SV2B: variants seen among roughly 807,000 people sequenced by gnomAD.
SV2B encodes the protein synaptic vesicle glycoprotein 2B, also known as solute carrier family 22 member B2.
A neutral mutation model predicts 73.9 loss-of-function variants in SV2B; 41 were observed. The observed-to-expected ratio is 0.56, with a 90% CI of 0.43 to 0.72. The LOEUF is 0.72. Ranked by LOEUF, SV2B falls within the 30% of genes least tolerant of loss-of-function variation. The pLI is 0.00. For synonymous variants in SV2B, 314 were observed against 314.2 expected (o/e 1.00, Z 0.01); for missense variants, 764 against 857.8 (o/e 0.89, Z 1.37).
intron 1 of SV2B, among the ~76,000 whole-genome samples, chr15:91,138,422 A>G (rs2042906026): frequency 6.6e-6 from 1 of 152,210 alleles, no homozygotes; most frequent in Non-Finnish European, 1.5e-5. Context: ...AGACTGACCT[A>G]TCAATTTATG....
chr15:91,179,412 C>G (rs942434075), intron 1 of SV2B, among the ~76,000 whole-genome samples: 1 of 152,112 alleles, frequency 6.6e-6, no homozygotes, highest in African/African-American at 2.4e-5. Flanking sequence ...ATTAGGTCCT[C>G]TTGGTGCAGA....
intron 1 of SV2B, among the ~76,000 whole-genome samples, chr15:91,108,585 G>A (rs948228350): frequency 1.3e-5 from 2 of 152,188 alleles, no homozygotes; most frequent in African/African-American, 4.8e-5. Context: ...GGCTCTCTTG[G>A]TTGCTCCTCC....
At chr15:91,116,902 C>G (rs1269381633) in intron 1 of SV2B, among the ~76,000 whole-genome samples, 1 of 152,154 alleles carries the variant, frequency 6.6e-6, no homozygotes, top group African/African-American at 2.4e-5. Flanking sequence ...GGGAACTGCT[C>G]TTTATAAAAC....
intron 1 of SV2B, among the ~76,000 whole-genome samples, chr15:91,168,858 C>T (rs2044013560): frequency 6.6e-6 from 1 of 152,158 alleles, no homozygotes; most frequent in South Asian, 2.1e-4. Context: ...TTTCCAGAAC[C>T]AGAAGTCCCA....
At chr15:91,270,689 A>ATCC (rs2048261888) in intron 9 of SV2B, among the ~76,000 whole-genome samples, 1 of 152,228 alleles carries the variant, frequency 6.6e-6, no homozygotes, top group Non-Finnish European at 1.5e-5. Context: ...CTGTCATTTT[A>ATCC]ACTTTGCTCA....
intron 2 of SV2B, among the ~76,000 whole-genome samples, chr15:91,243,232 G>A (rs182786294): frequency 6.6e-6 from 1 of 152,296 alleles, no homozygotes; most frequent in Non-Finnish European, 1.5e-5. Context: ...TGCCCACAGT[G>A]CCCAGGAGAG....
Position 91,231,394 on chromosome 15 carries a change from G to A in SV2B, c.451+4680G>A, listed in dbSNP as rs1026728255. Among the ~76,000 whole-genome samples the A allele has an allele frequency of 6.6e-6, 1 of 152,096 alleles. No homozygotes were observed. The highest frequency in any genetic ancestry group is 1.9e-4 in the East Asian group (1 of 5,200). ...TGCTTCTAGAGGAGCAGAATTTTGA[G>A]GATGAGTTTTCTGAATTGGTTCTGG... On this transcript the variant is annotated intron_variant, in intron 2 of 12. Transcript: ENST00000394232. The surrounding 1 kb of genome is among the most constrained non-coding windows in gnomAD (Gnocchi z 4.5).
rs1165680072 is a variant in SV2B, at chr15:91,197,514, G to A, written c.-391-28359G>A. 6.6e-6 allele frequency among the ~76,000 whole-genome samples: 1 copy of A among 150,748 alleles called. No homozygotes were observed. The highest frequency in any genetic ancestry group is 2.1e-4 in the South Asian group (1 of 4,758). On this transcript the variant is annotated intron_variant, in intron 1 of 12. Transcript: ENST00000394232. This position sits in a 1 kb window ranked among gnomAD's most constrained non-coding sequence, Gnocchi z 4.9. ...GCTGGGATTACAGGCGTGAGCCACC[G>A]CGCCCAGCCATCATTGTTTTTAATA...
At chr15:91,104,562 G>C (rs967888789) in intron 1 of SV2B, among the ~76,000 whole-genome samples, 1 of 152,216 alleles carries the variant, frequency 6.6e-6, no homozygotes, top group Non-Finnish European at 1.5e-5. Flanking sequence ...AAAATGTACA[G>C]ATACAGGGAG....
At chr15:91,184,028 A>G (rs1388570194) in intron 1 of SV2B, among the ~76,000 whole-genome samples, 1 of 152,208 alleles carries the variant, frequency 6.6e-6, no homozygotes, top group East Asian at 1.9e-4. Flanking sequence ...AAAACACTGT[A>G]TCCACCTTCA....
At chr15:91,117,467 T>C (rs2042212998) in intron 1 of SV2B, among the ~76,000 whole-genome samples, 1 of 152,214 alleles carries the variant, frequency 6.6e-6, no homozygotes, top group Admixed American at 6.5e-5. Flanking sequence ...TATATTTATC[T>C]TACTTATGAG....
At position 91,115,624 on chromosome 15, in the gene SV2B, G is replaced by A. The variant is rs563647103; in HGVS notation, c.-392+15261G>A. Among the ~76,000 whole-genome samples the A allele has an allele frequency of 2.6e-5, 4 of 151,692 alleles. No homozygotes were observed. Among genetic ancestry groups the A allele is most frequent in the South Asian group, 4.2e-4 (2 of 4,802 alleles). ...ACTCCTGAACTCAAGCGATCCACCC[G>A]CCTCGACCTCTCAAAGTGCTGGGAT... On this transcript the variant is annotated intron_variant, in intron 1 of 12. Coordinates refer to ENST00000394232, the MANE Select transcript of SV2B (RefSeq NM_001323032.3). The surrounding 1 kb of genome is among the most constrained non-coding windows in gnomAD (Gnocchi z 4.3).
Position 91,139,782 on chromosome 15 carries a change from GA to G in SV2B, c.-392+39420del, listed in dbSNP as rs1268930727. ...ACTGAGACACTTTTGAGGATGCAAG[GA>G]GGTACTCAGATAATTAACAGGCGTC... On this transcript the variant is annotated intron_variant, in intron 1 of 12. Coordinates refer to ENST00000394232, the MANE Select transcript of SV2B (RefSeq NM_001323032.3). The surrounding 1 kb of genome is among the most constrained non-coding windows in gnomAD (Gnocchi z 5.2). Among the ~76,000 whole-genome samples the G allele has an allele frequency of 6.6e-6, 1 of 152,192 alleles. No homozygotes were observed. The highest frequency in any genetic ancestry group is 1.5e-5 in the Non-Finnish European group (1 of 68,032).
intron 1 of SV2B, among the ~76,000 whole-genome samples, chr15:91,225,328 T>A (rs2046337998): frequency 6.6e-6 from 1 of 152,150 alleles, no homozygotes; most frequent in Admixed American, 6.5e-5. Flanking sequence ...TGGCCATACA[T>A]TTCTAGATGT....
At position 91,252,047 on chromosome 15, in the gene SV2B, A is replaced by C; in HGVS notation, c.632+48A>C. ...CTGGACCATCCCAGACCAATGGCCC[A>C]TCCATTCTGGTATTCTAGCTCCAAG... On this transcript the variant is annotated intron_variant, in intron 3 of 12. Coordinates refer to ENST00000394232, the MANE Select transcript of SV2B (RefSeq NM_001323032.3). This position sits in a 1 kb window ranked among gnomAD's most constrained non-coding sequence, Gnocchi z 4.6. 1 of 1,592,380 alleles carries C rather than the reference A, an allele frequency of 6.3e-7. No individual in the cohort carries two copies. The highest frequency in any genetic ancestry group is 8.6e-7 in the Non-Finnish European group (1 of 1,167,730).
At chr15:91,176,380 AT>A (rs1471157692) in intron 1 of SV2B, among the ~76,000 whole-genome samples, 1 of 151,566 alleles carries the variant, frequency 6.6e-6, no homozygotes, top group Non-Finnish European at 1.5e-5. Flanking sequence ...TAGCAGCATG[AT>A]TTATAGTCCT....
At chr15:91,191,934 A>C (rs1399030699) in intron 1 of SV2B, among the ~76,000 whole-genome samples, 1 of 152,156 alleles carries the variant, frequency 6.6e-6, no homozygotes, top group African/African-American at 2.4e-5. Flanking sequence ...TCCACTGGAT[A>C]CGTTAAATTT....
intron 1 of SV2B, among the ~76,000 whole-genome samples, chr15:91,178,541 A>T (rs1210894568): frequency 1.3e-5 from 2 of 152,088 alleles, no homozygotes; most frequent in Non-Finnish European, 2.9e-5. Context: ...TTTGGTTGGT[A>T]AGCTATTGAT....
intron 1 of SV2B, among the ~76,000 whole-genome samples, chr15:91,166,819 T>TTTTC (rs2043929792): frequency 7.4e-6 from 1 of 134,530 alleles, no homozygotes; most frequent in African/African-American, 3.3e-5. Context: ...TTTTCTTTTC[T>TTTTC]TTTTTTTTTT....
Sources: allele counts gnomAD v4.1 joint callset (sites outside exome capture counted in the v4.1 genomes callset), GRCh38; gene constraint gnomAD v4.1.1; non-coding constraint Gnocchi (gnomAD v3.1); transcripts MANE v1.5; gene names NCBI Gene and HGNC (gene_info 2026-07-23, HGNC 2026-07-21).